EXOC6B: variants seen among roughly 807,000 people sequenced by gnomAD.
The protein encoded by EXOC6B is exocyst complex component 6B, also known as SEC15 homolog B.
A neutral mutation model predicts 113.5 loss-of-function variants in EXOC6B; 54 were observed. That is an observed-to-expected ratio of 0.48 (90% confidence interval 0.38 to 0.60). EXOC6B has a LOEUF of 0.60. Ranked by LOEUF, EXOC6B falls within the 20% of genes least tolerant of loss-of-function variation. EXOC6B has a pLI of 0.00. For synonymous variants in EXOC6B, 357 were observed against 339.0 expected (o/e 1.05, Z -0.58); for missense variants, 797 against 977.5 (o/e 0.82, Z 2.46).
chr2:72,823,471 AAAAAAAAC>A lies in EXOC6B; in HGVS notation c.113+2319_113+2326del, dbSNP rs1224581429. On this transcript the variant is annotated intron_variant, in intron 1 of 21. Transcript: ENST00000272427. ...ATCAAAGTTTTAAGAAAAAAAAAAAAAAAAAAACAAAAAACAAAAAAAAAGACAGTGGC... is the reference window on the plus strand; with the variant it reads ...ATCAAAGTTTTAAGAAAAAAAAAAAAAAAAAACAAAAAAAAAGACAGTGGC... Among the ~76,000 whole-genome samples, 181 of 138,796 alleles carry A rather than the reference AAAAAAAAC, an allele frequency of 1.3e-3. 1 individual carries two copies. The highest frequency in any genetic ancestry group is 6.9e-3 in the Middle Eastern group (2 of 288). 91.1% of individuals were successfully genotyped at this position (138,796 alleles called of 152,430 possible).
chr2:72,303,987 G>C (rs1262049223), intron 20 of EXOC6B, among the ~76,000 whole-genome samples: 1 of 152,140 alleles, frequency 6.6e-6, no homozygotes, highest in African/African-American at 2.4e-5. Context: ...CTGTGCTAGG[G>C]GTTCAGACTA....
At chr2:72,552,316 T>A (rs1294754253) in intron 8 of EXOC6B, among the ~76,000 whole-genome samples, 1 of 152,086 alleles carries the variant, frequency 6.6e-6, no homozygotes, top group African/African-American at 2.4e-5. Flanking sequence ...AACTCCCTTA[T>A]CCAAACATAC....
At chr2:72,291,316 A>G (rs1243947050) in intron 20 of EXOC6B, among the ~76,000 whole-genome samples, 5 of 152,180 alleles carry the variant, frequency 3.3e-5, no homozygotes, top group African/African-American at 1.2e-4. Flanking sequence ...CACATGCACA[A>G]AAGAACCTGG....
intron 20 of EXOC6B, among the ~76,000 whole-genome samples, chr2:72,289,487 C>T (rs748631162): frequency 3.3e-5 from 5 of 151,990 alleles, no homozygotes; most frequent in Non-Finnish European, 4.4e-5. Context: ...TCCAGTCACT[C>T]GGTTGGTATT....
At chr2:72,691,405 A>T (rs1459661150) in intron 6 of EXOC6B, among the ~76,000 whole-genome samples, 1 of 152,200 alleles carries the variant, frequency 6.6e-6, no homozygotes, top group African/African-American at 2.4e-5. Context: ...TAGGAAATTA[A>T]TAAATCTACC....
chr2:72,714,558 T>C (rs1679481417), intron 6 of EXOC6B, among the ~76,000 whole-genome samples: 1 of 152,032 alleles, frequency 6.6e-6, no homozygotes. Flanking sequence ...CCCAGAAACT[T>C]AGGCCTCACA....
chr2:72,245,019 T>C (rs1055558782), intron 20 of EXOC6B, among the ~76,000 whole-genome samples: 3 of 152,204 alleles, frequency 2.0e-5, no homozygotes, highest in Non-Finnish European at 4.4e-5. Context: ...TCCATGTTCA[T>C]GGATAGGAAG....
At chr2:72,824,609 A>C (rs1336291282) in intron 1 of EXOC6B, among the ~76,000 whole-genome samples, 1 of 152,156 alleles carries the variant, frequency 6.6e-6, no homozygotes, top group East Asian at 1.9e-4. Context: ...ACTTACCCCA[A>C]GAAAACGCAA....
At chr2:72,531,836 T>C (rs1702019000) in intron 8 of EXOC6B, among the ~76,000 whole-genome samples, 1 of 151,858 alleles carries the variant, frequency 6.6e-6, no homozygotes, top group African/African-American at 2.4e-5. Context: ...ATACAAAAAT[T>C]AGCCAGGTGT....
chr2:72,377,426 G>A (rs191053683), intron 19 of EXOC6B, among the ~76,000 whole-genome samples: 77 of 152,128 alleles, frequency 5.1e-4, no homozygotes, highest in Admixed American at 4.1e-3. Context: ...TAGCATTATC[G>A]CAATAGCCAA....
rs1178321834 is a variant in EXOC6B, at chr2:72,189,860, C to CTTCTTTTT, written c.2197-5674_2197-5673insAAAAAGAA. 1.8e-3 allele frequency among the ~76,000 whole-genome samples: 156 copies of CTTCTTTTT among 87,216 alleles called. 4 individuals carry two copies. Among genetic ancestry groups the CTTCTTTTT allele is most frequent in the African/African-American group, 5.9e-3 (90 of 15,350 alleles). The allele number at this position is 87,216 out of a possible 152,430, so 57.2% of individuals were successfully genotyped here. On this transcript the variant is annotated intron_variant, in intron 20 of 21. Coordinates refer to ENST00000272427, the MANE Select transcript of EXOC6B (RefSeq NM_015189.3). The stretch of plus-strand genomic sequence containing the variant: ...TCTCTCTCTCTTTCTCCTTCTTCTT[C>CTTCTTTTT]TTTTTTTTTTTTTTTTTTTTGAGGC...
chr2:72,823,471 A>AC (rs1380471969), intron 1 of EXOC6B, among the ~76,000 whole-genome samples: 4 of 138,722 alleles, frequency 2.9e-5, no homozygotes, highest in African/African-American at 5.8e-5. Context: ...AAAAAAAAAA[A>AC]AAAAAAACAA....
At chr2:72,682,114 C>T (rs1179251764) in intron 6 of EXOC6B, among the ~76,000 whole-genome samples, 1 of 151,970 alleles carries the variant, frequency 6.6e-6, no homozygotes, top group Non-Finnish European at 1.5e-5. Context: ...GACCAGAGTT[C>T]CCCTCCCCAC....
intron 8 of EXOC6B, among the ~76,000 whole-genome samples, chr2:72,534,895 T>C (rs1373811647): frequency 6.6e-6 from 1 of 152,196 alleles, no homozygotes; most frequent in Non-Finnish European, 1.5e-5. Flanking sequence ...GTGTAGCTTT[T>C]GGTTTCTTTT....
intron 5 of EXOC6B, among the ~76,000 whole-genome samples, chr2:72,729,959 T>C (rs1053410609): frequency 1.3e-5 from 2 of 152,188 alleles, no homozygotes; most frequent in Non-Finnish European, 2.9e-5. Flanking sequence ...TTTAATTGTA[T>C]ACTTTTTCCC....
intron 8 of EXOC6B, among the ~76,000 whole-genome samples, chr2:72,523,815 T>C (rs528005256): frequency 6.7e-6 from 1 of 149,756 alleles, no homozygotes; most frequent in South Asian, 2.1e-4. Flanking sequence ...AGATTTACTA[T>C]GCCATTATTT....
At chr2:72,500,125 G>A (rs184970159) in intron 11 of EXOC6B, among the ~76,000 whole-genome samples, 153 bp from the exon 12 acceptor site, 1 of 152,230 alleles carries the variant, frequency 6.6e-6, no homozygotes, top group East Asian at 1.9e-4. Context: ...CCTGGTACAA[G>A]GTAACACCAG....
intron 1 of EXOC6B, among the ~76,000 whole-genome samples, chr2:72,789,964 CT>C (rs1346782699): frequency 6.6e-6 from 1 of 152,120 alleles, no homozygotes; most frequent in Non-Finnish European, 1.5e-5. Context: ...CAAAACTGCT[CT>C]GATTTTTTTG....
intron 20 of EXOC6B, among the ~76,000 whole-genome samples, chr2:72,303,952 G>T (rs1169475890): frequency 6.6e-6 from 1 of 152,132 alleles, no homozygotes; most frequent in East Asian, 1.9e-4. Context: ...AAACATTCTG[G>T]CCACTCTTCC....
Sources: allele counts gnomAD v4.1 joint callset (sites outside exome capture counted in the v4.1 genomes callset), GRCh38; gene constraint gnomAD v4.1.1; transcripts MANE v1.5; gene names NCBI Gene and HGNC (gene_info 2026-07-23, HGNC 2026-07-21).